Variants in ADCY10 observed in about 807,000 individuals in gnomAD.
The protein encoded by ADCY10 is adenylate cyclase 10.
A neutral mutation model predicts 183.3 loss-of-function variants in ADCY10; 156 were observed. The ratio of observed to expected loss-of-function variants is 0.85; its 90% CI spans 0.75 to 0.97. ADCY10 has a LOEUF of 0.97. ADCY10 is among the 50% of genes least tolerant of loss of function. The probability of loss-of-function intolerance (pLI) is 0.00; values close to 1 mark genes in which losing one functional copy is unlikely to be tolerated. For missense variants in ADCY10, 1,745 were observed against 1,934.3 expected, an observed-to-expected ratio of 0.90 and a Z score of 1.84; for synonymous variants, 645 against 670.0, an observed-to-expected ratio of 0.96 and a Z score of 0.58.
intron 21 of ADCY10, among the ~76,000 whole-genome samples, chr1:167,841,944 T>C (rs1478697131): frequency 6.6e-6 from 1 of 152,136 alleles, no homozygotes; most frequent in Non-Finnish European, 1.5e-5. Flanking sequence ...AACATATCTG[T>C]AGAAGATAAA....
At chr1:167,898,201 G>T (rs1571442666) in intron 6 of ADCY10, among the ~76,000 whole-genome samples, 3 of 151,530 alleles carry the variant, frequency 2.0e-5, no homozygotes, top group African/African-American at 7.3e-5. Flanking sequence ...GTTAACATTA[G>T]GGGAAGGTAG....
intron 9 of ADCY10, among the ~76,000 whole-genome samples, chr1:167,881,096 C>T (rs905676235): frequency 2.6e-5 from 4 of 152,140 alleles, no homozygotes; most frequent in African/African-American, 7.2e-5. Flanking sequence ...TTTTTGGCTA[C>T]TAAAAGAATT....
chr1:167,839,044 A>G (rs1393716072), intron 21 of ADCY10, among the ~76,000 whole-genome samples: 1 of 152,220 alleles, frequency 6.6e-6, no homozygotes, highest in African/African-American at 2.4e-5. Context: ...ACCTCAGTCC[A>G]TTACCAAAAT....
rs554077090 is a variant in ADCY10 at position 167,866,292 on chromosome 1, G to C, written c.1616+3965C>G. Among the ~76,000 whole-genome samples, 20 of 152,238 alleles carry C rather than the reference G, an allele frequency of 1.3e-4. 1 individual carries two copies. The South Asian group carries it at 4.1e-3, about 32-fold the overall frequency. Reference sequence around the variant, plus strand: ...CCCTTATAGGTCTTTCGACTCTCACGTCCATTTAGACGCAATTGGAGTCCC... The same window carrying C: ...CCCTTATAGGTCTTTCGACTCTCACCTCCATTTAGACGCAATTGGAGTCCC... On this transcript the variant is annotated intron_variant, in intron 14 of 32. Transcript: ENST00000367851.
At chr1:167,829,458 A>G (rs1663554373) in intron 25 of ADCY10, 35 bp from the exon 26 acceptor site, 3 of 1,613,182 alleles carry the variant, frequency 1.9e-6, no homozygotes, top group Non-Finnish European at 2.5e-6. Flanking sequence ...GGAACATGAA[A>G]GGTATCATCA....
rs748833244 is a variant in ADCY10 at position 167,824,603 on chromosome 1, G to A, written c.3956-31C>T. On this transcript the variant is annotated intron_variant, in intron 27 of 32. Coordinates refer to ENST00000367851, the MANE Select transcript of ADCY10 (RefSeq NM_018417.6). ...AAGAAAACAATTCCAGTATATTGTGGGGCATTCCTTGTATCCTCATGTCCC... is the reference window on the plus strand; with the variant it reads ...AAGAAAACAATTCCAGTATATTGTGAGGCATTCCTTGTATCCTCATGTCCC... 2.5e-6 allele frequency: 4 copies of A among 1,614,014 alleles called. No homozygotes were observed. In the South Asian group the frequency reaches 3.3e-5, roughly 13 times the overall value.
rs940766764 is a variant in ADCY10 at position 167,845,870 on chromosome 1, G to A, written c.2717-17C>T. 4.3e-6 allele frequency: 7 copies of A among 1,614,052 alleles called. No individual in the cohort carries two copies. The highest frequency in any genetic ancestry group is 3.3e-4 in the Middle Eastern group (2 of 6,062). On this transcript the variant is annotated splice_polypyrimidine_tract_variant and intron_variant, in intron 20 of 32. Transcript: ENST00000367851. ...CACCGTGATCTGGAGAGAGCAAAAA[G>A]GGTTTTTCAGCCAGGCAGTGGGCAA...
At chr1:167,908,808 T>C (rs1416752931) in intron 1 of ADCY10, among the ~76,000 whole-genome samples, 1 of 152,190 alleles carries the variant, frequency 6.6e-6, no homozygotes, top group South Asian at 2.1e-4. Flanking sequence ...AAAGAATAAG[T>C]GCAAAGTGCT....
rs1186138810 is a variant in ADCY10 at position 167,899,464 on chromosome 1, T to C, written c.601A>G (p.Met201Val). ...TCTGGAACACTCTCAATTTCAATCATGCTCCGGTCACAGAGCTGCCAGCAG... is the reference window on the plus strand; with the variant it reads ...TCTGGAACACTCTCAATTTCAATCACGCTCCGGTCACAGAGCTGCCAGCAG... ...PNCWQLCDRS[M>V]IEIESVPDQR... The change falls in exon 6 of 33, where the codon ATG (methionine) becomes GTG (valine). Residue 201 changes from methionine (M) to valine (V), a missense_variant. Coordinates refer to ENST00000367851, the MANE Select transcript of ADCY10 (RefSeq NM_018417.6). 1.9e-6 allele frequency: 3 copies of C among 1,614,120 alleles called. No homozygotes were observed. Among genetic ancestry groups the C allele is most frequent in the Non-Finnish European group, 2.5e-6 (3 of 1,180,048 alleles).
At chr1:167,826,481 C>T (rs901812476) in intron 26 of ADCY10, among the ~76,000 whole-genome samples, 96 of 152,322 alleles carry the variant, frequency 6.3e-4, no homozygotes, top group African/African-American at 2.0e-3. Context: ...CTGAGGGGAG[C>T]GCTTCTTTGC....
At position 167,854,373 on chromosome 1, in the gene ADCY10, C is replaced by G. The variant is rs148691369; in HGVS notation, c.2288G>C (p.Arg763Thr). The G allele has an allele frequency of 6.2e-7, 1 of 1,614,132 alleles. No individual in the cohort carries two copies. The highest frequency in any genetic ancestry group is 8.5e-7 in the Non-Finnish European group (1 of 1,180,006). ...QQTESEEKTN[R>T]TWNNLFKYSI... ...CTTACTGAACAGGTTATTCCAGGTCCTATTTGTCTTTTCCTCAGACTCCGT... is the reference window on the plus strand; with the variant it reads ...CTTACTGAACAGGTTATTCCAGGTCGTATTTGTCTTTTCCTCAGACTCCGT... The change falls in exon 18 of 33, where the codon AGG (arginine) becomes ACG (threonine). Residue 763 changes from arginine to threonine, a missense_variant. Coordinates refer to ENST00000367851, the MANE Select transcript of ADCY10 (RefSeq NM_018417.6).
intron 1 of ADCY10, among the ~76,000 whole-genome samples, chr1:167,908,064 T>G (rs1039507782): frequency 7.9e-5 from 12 of 152,224 alleles, no homozygotes; most frequent in African/African-American, 2.9e-4. Flanking sequence ...CATCTGGGTA[T>G]ATACCCAAAG....
At chr1:167,908,734 T>A (rs982983179) in intron 1 of ADCY10, among the ~76,000 whole-genome samples, 7 of 152,196 alleles carry the variant, frequency 4.6e-5, no homozygotes, top group Non-Finnish European at 8.8e-5. Context: ...GTGAGAGAAC[T>A]AATGCACTGA....
At position 167,871,882 on chromosome 1, in the gene ADCY10, T is replaced by G. The variant is rs150230209; in HGVS notation, c.1463-1472A>C. The stretch of plus-strand genomic sequence containing the variant: ...TTCGTGAGATGTTTTGTGTTTTTCT[T>G]TGGCCTGAATGAAGCTCACATAGGA... On this transcript the variant is annotated intron_variant, in intron 13 of 32. Coordinates refer to ENST00000367851, the MANE Select transcript of ADCY10 (RefSeq NM_018417.6). Among the ~76,000 whole-genome samples, 43 of 152,346 alleles carry G rather than the reference T, an allele frequency of 2.8e-4. 1 individual carries two copies. The East Asian group carries it at 6.4e-3, about 23-fold the overall frequency.
chr1:167,842,601 AAC>A (rs1664734683), intron 21 of ADCY10, among the ~76,000 whole-genome samples: 1 of 152,094 alleles, frequency 6.6e-6, no homozygotes, highest in African/African-American at 2.4e-5. Context: ...CAAAAAAAAA[AAC>A]GTTTCCTAGT....
In ADCY10 at chr1:167,845,768, C is replaced by A; in HGVS notation, c.2802G>T (p.Gln934His). The change falls in exon 21 of 33, where the codon CAG becomes CAT. Residue 934 changes from glutamine (Q) to histidine (H), a missense_variant. Gln to His is a conservative substitution (Grantham distance 24). Coordinates refer to ENST00000367851, the MANE Select transcript of ADCY10 (RefSeq NM_018417.6). Reference protein sequence around the residue: ...HRIRFCNPMMQKTAYELWLKD... With the variant: ...HRIRFCNPMMHKTAYELWLKD... Reference sequence around the variant, plus strand: ...TGAGCCACAGCTCGTAGGCTGTTTTCTGCATCATAGGGTTACAGAATCGAA... The same window carrying A: ...TGAGCCACAGCTCGTAGGCTGTTTTATGCATCATAGGGTTACAGAATCGAA... 1 of 1,614,224 alleles carries A rather than the reference C, an allele frequency of 6.2e-7. No homozygotes were observed. The highest frequency in any genetic ancestry group is 8.5e-7 in the Non-Finnish European group (1 of 1,180,056).
chr1:167,909,099 C>G (rs1484705971), intron 1 of ADCY10, among the ~76,000 whole-genome samples: 1 of 152,152 alleles, frequency 6.6e-6, no homozygotes, highest in Non-Finnish European at 1.5e-5. Context: ...GGTAACCTTT[C>G]TTATTTCTAA....
chr1:167,903,001 T>C (rs1367192147), intron 3 of ADCY10, among the ~76,000 whole-genome samples: 1 of 152,182 alleles, frequency 6.6e-6, no homozygotes, highest in Non-Finnish European at 1.5e-5. Context: ...ACGCCTATAA[T>C]CCCAGCACTT....
intron 16 of ADCY10, among the ~76,000 whole-genome samples, chr1:167,858,911 G>A (rs1319699779): frequency 6.6e-6 from 1 of 151,968 alleles, no homozygotes; most frequent in Non-Finnish European, 1.5e-5. Context: ...AAAATGATAA[G>A]AGCCTGAACT....
Sources: allele counts gnomAD v4.1 joint callset (sites outside exome capture counted in the v4.1 genomes callset), GRCh38; gene constraint gnomAD v4.1.1; transcripts MANE v1.5; gene names NCBI Gene and HGNC (gene_info 2026-07-23, HGNC 2026-07-21).